The following DCLK2 variants were observed in gnomAD, a reference collection of about 807,000 sequenced individuals.
DCLK2 encodes the protein doublecortin like kinase 2, also known as serine/threonine-protein kinase DCLK2.
DCLK2 carries 31 observed loss-of-function variants against 78.4 expected under a neutral mutation model. The ratio of observed to expected loss-of-function variants is 0.40; its 90% CI spans 0.30 to 0.53. The LOEUF (loss-of-function observed/expected upper bound fraction) is 0.53. Among genes scored for constraint, DCLK2 ranks in the 20% least tolerant of loss-of-function variants. The pLI, the probability that DCLK2 is intolerant of heterozygous loss-of-function variation, is 0.61. For missense variants in DCLK2, 872 were observed against 973.7 expected, an observed-to-expected ratio of 0.90 and a Z score of 1.39; for synonymous variants, 407 against 374.9, an observed-to-expected ratio of 1.09 and a Z score of -0.99.
chr4:150,248,818 G>T (rs1743521410), intron 14 of DCLK2, among the ~76,000 whole-genome samples: 1 of 152,136 alleles, frequency 6.6e-6, no homozygotes, highest in Non-Finnish European at 1.5e-5. Flanking sequence ...GGGAGGCTGA[G>T]ACAGGATCGC....
intron 3 of DCLK2, among the ~76,000 whole-genome samples, chr4:150,196,462 C>T (rs756583174): frequency 8.5e-5 from 13 of 152,308 alleles, no homozygotes; most frequent in Non-Finnish European, 1.5e-4. Context: ...TAACTAGCCT[C>T]CCCTTGGGTG....
At chr4:150,137,101 C>T (rs753133302) in intron 2 of DCLK2, among the ~76,000 whole-genome samples, 1 of 150,950 alleles carries the variant, frequency 6.6e-6, no homozygotes, top group Non-Finnish European at 1.5e-5. Flanking sequence ...CCCACCTCAG[C>T]TTCCCAACTC....
intron 3 of DCLK2, among the ~76,000 whole-genome samples, chr4:150,195,422 AATATTATATATTATATATATAATAT>A: frequency 5.7e-4 from 1 of 1,756 alleles, no homozygotes; most frequent in African/African-American, 1.2e-3. Flanking sequence ...TATATTATAT[AATATTATATATTATATATATAATAT>A]ATATTAGATA....
intron 12 of DCLK2, among the ~76,000 whole-genome samples, chr4:150,240,750 AAAAAAAAAAAAAGAAAAAG>A (rs1742862630): frequency 1.2e-5 from 1 of 84,660 alleles, no homozygotes; most frequent in African/African-American, 3.9e-5. Context: ...AAAATATAAT[AAAAAAAAAAAAAGAAAAAG>A]AAAAAAAAAA....
intron 2 of DCLK2, among the ~76,000 whole-genome samples, chr4:150,145,161 C>T (rs896520097): frequency 2.6e-5 from 4 of 152,036 alleles, no homozygotes; most frequent in Admixed American, 2.0e-4. Context: ...ATTTGGTTCT[C>T]AGCTTGAAAG....
At chr4:150,089,712 C>A (rs1217352607) in intron 1 of DCLK2, among the ~76,000 whole-genome samples, 1 of 152,150 alleles carries the variant, frequency 6.6e-6, no homozygotes, top group Non-Finnish European at 1.5e-5. Context: ...CATAGTGATA[C>A]AACCCAAACA....
intron 12 of DCLK2, among the ~76,000 whole-genome samples, chr4:150,244,581 T>C (rs1460887639): frequency 1.3e-5 from 2 of 152,250 alleles, no homozygotes; most frequent in Non-Finnish European, 2.9e-5. Context: ...TACGGCACCT[T>C]GGTCCAAAGG....
At chr4:150,188,532 A>T (rs1357779543) in intron 2 of DCLK2, among the ~76,000 whole-genome samples, 1 of 152,152 alleles carries the variant, frequency 6.6e-6, no homozygotes, top group African/African-American at 2.4e-5. Flanking sequence ...AATCAGAGGG[A>T]GGCAGACATC....
Position 150,113,364 on chromosome 4 carries a change from A to G in DCLK2, c.756+10552A>G, listed in dbSNP as rs149410415. On this transcript the variant is annotated intron_variant, in intron 2 of 15. Transcript: ENST00000296550. ...TTTGATAGAATTTGGCTGTGAATCT[A>G]TCTGGCCCTAGGTTTTTTTGTTGTT... 9.3e-4 allele frequency among the ~76,000 whole-genome samples: 142 copies of G among 152,216 alleles called. 3 individuals carry two copies. The East Asian group carries it at 0.022, about 24-fold the overall frequency.
chr4:150,130,527 A>G (rs934966788), intron 2 of DCLK2, among the ~76,000 whole-genome samples: 1 of 152,124 alleles, frequency 6.6e-6, no homozygotes, highest in African/African-American at 2.4e-5. Flanking sequence ...TGACAGTACT[A>G]AGGGAAATGA....
intron 2 of DCLK2, among the ~76,000 whole-genome samples, chr4:150,115,412 G>C (rs1020043619): frequency 5.9e-5 from 9 of 151,950 alleles, no homozygotes; most frequent in African/African-American, 1.9e-4. Context: ...GAGCTAGTGT[G>C]ATCTTTTGAA....
intron 2 of DCLK2, among the ~76,000 whole-genome samples, chr4:150,124,865 T>C (rs760635449): frequency 6.6e-5 from 10 of 152,248 alleles, no homozygotes; most frequent in Non-Finnish European, 1.2e-4. Flanking sequence ...TCTTAATTAC[T>C]TCTTGAGCTT....
intron 2 of DCLK2, among the ~76,000 whole-genome samples, chr4:150,117,973 G>A (rs1328895623): frequency 6.6e-6 from 1 of 152,160 alleles, no homozygotes; most frequent in Non-Finnish European, 1.5e-5. Context: ...AACTTTGAGA[G>A]TTAGGTACTG....
chr4:150,143,226 A>G (rs1734231766), intron 2 of DCLK2, among the ~76,000 whole-genome samples: 2 of 152,176 alleles, frequency 1.3e-5, no homozygotes, highest in South Asian at 4.1e-4. Flanking sequence ...CGTATTCAAT[A>G]TTGAACATTC....
chr4:150,091,769 A>ATG (rs57146406), intron 1 of DCLK2, among the ~76,000 whole-genome samples: 5,761 of 117,022 alleles, frequency 0.049, 152 homozygotes, highest in African/African-American at 0.075. Flanking sequence ...AGGAACATTT[A>ATG]TGTGTGTGTG....
At chr4:150,110,750 C>G (rs1453142803) in intron 2 of DCLK2, among the ~76,000 whole-genome samples, 1 of 152,066 alleles carries the variant, frequency 6.6e-6, no homozygotes, top group Non-Finnish European at 1.5e-5. Flanking sequence ...GTTTTCTATT[C>G]CTGAGTTACT....
At chr4:150,104,795 GA>G (rs1560775461) in intron 2 of DCLK2, among the ~76,000 whole-genome samples, 2 of 151,890 alleles carry the variant, frequency 1.3e-5, no homozygotes, top group Non-Finnish European at 2.9e-5. Flanking sequence ...ATTTCTATCT[GA>G]AACAACAAGC....
At chr4:150,229,701 T>C (rs1741895985) in intron 8 of DCLK2, among the ~76,000 whole-genome samples, 2 of 152,204 alleles carry the variant, frequency 1.3e-5, no homozygotes, top group South Asian at 4.1e-4. Flanking sequence ...CAGTGTCCTT[T>C]GCCAAGTTAG....
intron 12 of DCLK2, among the ~76,000 whole-genome samples, chr4:150,245,311 T>A (rs553854385): frequency 6.6e-6 from 1 of 152,340 alleles, no homozygotes; most frequent in Non-Finnish European, 1.5e-5. Flanking sequence ...CACTCCTCAG[T>A]GTGCCTCTTC....
Sources: allele counts gnomAD v4.1 joint callset (sites outside exome capture counted in the v4.1 genomes callset), GRCh38; gene constraint gnomAD v4.1.1; transcripts MANE v1.5; gene names NCBI Gene and HGNC (gene_info 2026-07-23, HGNC 2026-07-21).